The following TLE2 variants were observed in gnomAD, a reference collection of about 807,000 sequenced individuals.
TLE2 encodes the protein transducin-like enhancer protein 2.
TLE2 carries 74 observed loss-of-function variants against 97.2 expected under a neutral mutation model. That is an observed-to-expected ratio of 0.76 (90% CI 0.63 to 0.92). The LOEUF (loss-of-function observed/expected upper bound fraction) is 0.92. Ranked by LOEUF, TLE2 falls within the 40% of genes least tolerant of loss-of-function variation. The pLI is 0.00. For missense variants in TLE2, 1,038 were observed against 1,008.7 expected (o/e 1.03, Z -0.39); for synonymous variants, 499 against 432.1 (o/e 1.15, Z -1.92).
rs2079879050 is a variant in TLE2, at chr19:3,006,403, T to C, written c.1500+17A>G. 3.1e-6 allele frequency: 5 copies of C among 1,606,794 alleles called. No individual in the cohort carries two copies. The highest frequency in any genetic ancestry group is 4.2e-6 in the Non-Finnish European group (5 of 1,178,056). ...CCTCACCTGTGAGTCCCGCCCACTG[T>C]CCCACCCCGCCCTCACCAGGCAGTC... is the stretch of plus-strand genomic sequence containing the variant. On this transcript the variant is annotated intron_variant, in intron 15 of 19. Coordinates refer to ENST00000262953, the MANE Select transcript of TLE2 (RefSeq NM_003260.5).
At chr19:3,024,564 T>C (rs1457619500) in intron 5 of TLE2, among the ~76,000 whole-genome samples, 1 of 152,028 alleles carries the variant, frequency 6.6e-6, no homozygotes, top group Non-Finnish European at 1.5e-5. Flanking sequence ...CAGTGACTTC[T>C]TCTAGCAAGA....
chr19:3,016,259 T>G (rs2089701168), intron 8 of TLE2, among the ~76,000 whole-genome samples: 1 of 150,080 alleles, frequency 6.7e-6, no homozygotes, highest in Non-Finnish European at 1.5e-5. Flanking sequence ...GCAACCTCTC[T>G]GACATCTATA....
intron 1 of TLE2, among the ~76,000 whole-genome samples, chr19:3,044,238 T>G (rs2090125906): frequency 6.6e-6 from 1 of 151,484 alleles, no homozygotes; most frequent in Non-Finnish European, 1.5e-5. Flanking sequence ...ACTTTCTGCC[T>G]CAGTTTCCCC....
At chr19:3,034,835 C>G (rs1306924203) in intron 1 of TLE2, among the ~76,000 whole-genome samples, 2 of 152,126 alleles carry the variant, frequency 1.3e-5, no homozygotes, top group Non-Finnish European at 2.9e-5. Flanking sequence ...GAGGGGCTCC[C>G]AGAGCATCTG....
At chr19:3,017,104 C>T (rs970905375) in intron 8 of TLE2, among the ~76,000 whole-genome samples, 6 of 151,458 alleles carry the variant, frequency 4.0e-5, no homozygotes, top group Admixed American at 2.0e-4. Flanking sequence ...TTCAGGAAAC[C>T]GGGCTATGGA....
chr19:3,027,905 G>A (rs576931422), intron 3 of TLE2, 32 bp from the exon 4 acceptor site: 1 of 1,591,138 alleles, frequency 6.3e-7, no homozygotes, highest in Non-Finnish European at 8.6e-7. Context: ...AGAACGTCTA[G>A]GGTGGAGATG....
chr19:3,008,784 G>C, intron 14 of TLE2, 85 bp downstream of exon 14: 1 of 1,124,458 alleles, frequency 8.9e-7, no homozygotes, highest in Non-Finnish European at 1.2e-6. Context: ...GAAGCAGGGA[G>C]ACCCCAACCA....
chr19:3,033,835 C>A (rs1202940773), upstream of TLE2, among the ~76,000 whole-genome samples: 2 of 151,922 alleles, frequency 1.3e-5, no homozygotes, highest in South Asian at 2.1e-4. Context: ...CGAGACCCAA[C>A]CCCCACCCCC....
Position 3,021,380 on chromosome 19 carries a change from GGTGACAGAGCGAGACTCA to G in TLE2, c.295-1625_295-1608del, listed in dbSNP as rs763153602. On this transcript the variant is annotated intron_variant, in intron 5 of 19. Coordinates refer to ENST00000262953, the MANE Select transcript of TLE2 (RefSeq NM_003260.5). ...AGATCGTGCCATGCACTCCCGCCTG[GGTGACAGAGCGAGACTCA>G]GTCTCAAAAAAAAAAGAAAGAAAGA... 2.4e-3 allele frequency among the ~76,000 whole-genome samples: 366 copies of G among 151,892 alleles called. 1 individual carries two copies. Among genetic ancestry groups the G allele is most frequent in the Non-Finnish European group, 4.0e-3 (271 of 67,966 alleles).
upstream of TLE2, among the ~76,000 whole-genome samples, chr19:3,033,786 A>C (rs976888656): frequency 7.9e-5 from 12 of 152,108 alleles, no homozygotes; most frequent in Non-Finnish European, 1.6e-4. Context: ...TTGGGAGGCC[A>C]AAGAGGCCAG....
At position 3,025,004 on chromosome 19, in the gene TLE2, C is replaced by A; in HGVS notation, c.294+16G>T. 1 of 1,583,682 alleles carries A rather than the reference C, an allele frequency of 6.3e-7. No individual in the cohort carries two copies. The highest frequency in any genetic ancestry group is 8.6e-7 in the Non-Finnish European group (1 of 1,165,034). ...GGCTCCCTTCCCCTCCTCCCCCCACCCCCAGGCCCACTCACCTCCTGGGTC... is the reference window on the plus strand; with the variant it reads ...GGCTCCCTTCCCCTCCTCCCCCCACACCCAGGCCCACTCACCTCCTGGGTC... On this transcript the variant is annotated intron_variant, in intron 5 of 19. Coordinates refer to ENST00000262953, the MANE Select transcript of TLE2 (RefSeq NM_003260.5).
At chr19:3,024,056 C>T (rs1204120791) in intron 5 of TLE2, among the ~76,000 whole-genome samples, 3 of 143,822 alleles carry the variant, frequency 2.1e-5, no homozygotes, top group Non-Finnish European at 3.0e-5. Flanking sequence ...AGTGCAGCGG[C>T]GCAATCTCTG....
chr19:3,028,322 G>T lies in TLE2; in HGVS notation c.183C>A (p.Val61=). 3 of 1,608,442 alleles carry T rather than the reference G, an allele frequency of 1.9e-6. No individual in the cohort carries two copies. The highest frequency in any genetic ancestry group is 2.5e-6 in the Non-Finnish European group (3 of 1,177,360). ...CTGGCATCATAAGTGCCCTCACCAT[G>T]ACATAATGTCGCTGCATTTCCGTCT... ...SEKTEMQRHY[V]MYYEMSYGLN... Residue 61 remains valine (V), a synonymous_variant, in exon 3 of 20, where the codon GTC becomes GTA. Coordinates refer to ENST00000262953, the MANE Select transcript of TLE2 (RefSeq NM_003260.5).
In TLE2 at chr19:3,009,705, G is replaced by A; in HGVS notation, c.1013-3C>T. On this transcript the variant is annotated splice_region_variant and splice_polypyrimidine_tract_variant and intron_variant, in intron 12 of 19. Transcript: ENST00000262953. ...CAGAGTCAGGGGGCTCCTCAGGGCTGAGACGGAAGAGTCGGGGACAGGTTT... is the reference window on the plus strand; with the variant it reads ...CAGAGTCAGGGGGCTCCTCAGGGCTAAGACGGAAGAGTCGGGGACAGGTTT... The A allele has an allele frequency of 2.5e-6, 4 of 1,608,030 alleles. No individual in the cohort carries two copies. The highest frequency in any genetic ancestry group is 2.2e-5 in the South Asian group (2 of 89,764).
intron 4 of TLE2, 160 bp from the exon 5 acceptor site, chr19:3,025,242 T>G (rs1599240824): frequency 9.2e-7 from 1 of 1,082,152 alleles, no homozygotes; most frequent in Non-Finnish European, 1.3e-6. Flanking sequence ...TGGGCCGAGG[T>G]GGGATTCAGA....
chr19:3,029,392 G>C (rs1008202145), upstream of TLE2, among the ~76,000 whole-genome samples: 8 of 115,922 alleles, frequency 6.9e-5, no homozygotes, highest in South Asian at 3.2e-4. Flanking sequence ...CGCCCCCCCC[G>C]GCCCCCGGGC....
intron 5 of TLE2, chr19:3,020,639 G>A (rs2089819193): frequency 6.6e-6 from 1 of 152,112 alleles, no homozygotes. Context: ...AAACCTGCGT[G>A]GATTTGTCCG....
At position 3,015,995 on chromosome 19, in the gene TLE2, G is replaced by A. The variant is rs892027538; in HGVS notation, c.571-235C>T. On this transcript the variant is annotated intron_variant, in intron 8 of 19. Coordinates refer to ENST00000262953, the MANE Select transcript of TLE2 (RefSeq NM_003260.5). ...TCTGCTGCCCAGGCTGGAGTGCAGT[G>A]GAGCCATCTCGGCCCACTGAGACCC... 6 of 617,070 alleles carry A rather than the reference G, an allele frequency of 9.7e-6. No individual in the cohort carries two copies. The African/African-American group carries it at 1.1e-4, about 11-fold the overall frequency. The allele number at this position is 617,070 out of a possible 1,614,324, so 38.2% of individuals were successfully genotyped here.
upstream of TLE2, chr19:3,047,609 G>A (rs1337302804): frequency 6.6e-6 from 1 of 152,020 alleles, no homozygotes; most frequent in African/African-American, 2.4e-5. Context: ...AGCCCTTGCA[G>A]AAGTTCTAAT....
Sources: allele counts gnomAD v4.1 joint callset (sites outside exome capture counted in the v4.1 genomes callset), GRCh38; gene constraint gnomAD v4.1.1; transcripts MANE v1.5; gene names NCBI Gene and HGNC (gene_info 2026-07-23, HGNC 2026-07-21).